Variants in CENPP observed in about 807,000 individuals in gnomAD.
The protein encoded by CENPP is centromere protein P.
In CENPP, 24 loss-of-function variants were observed where a neutral mutation model predicts 35.6. That is an observed-to-expected ratio of 0.67 (90% CI 0.49 to 0.95). CENPP has a LOEUF of 0.95. CENPP is among the 40% of genes least tolerant of loss of function. The pLI, the probability that CENPP is intolerant of heterozygous loss-of-function variation, is 0.00. For synonymous variants in CENPP, 120 were observed against 125.5 expected (o/e 0.96, Z 0.29); for missense variants, 332 against 345.3 (o/e 0.96, Z 0.31).
At chr9:92,423,400 A>G (rs757484806) in intron 5 of CENPP, among the ~76,000 whole-genome samples, 52 of 152,168 alleles carry the variant, frequency 3.4e-4, no homozygotes, top group Non-Finnish European at 5.3e-4. Context: ...CTAATGAGGT[A>G]TAATTTACTT....
At position 92,576,111 on chromosome 9, in the gene CENPP, T is replaced by C. The variant is rs73522391; in HGVS notation, c.565-35203T>C. ...ACATTGGAAGCAATCCAAGTGTTCA[T>C]CAAAGGATAAATAGATAAACAAATG... On this transcript the variant is annotated intron_variant, in intron 5 of 7. Coordinates refer to ENST00000375587, the MANE Select transcript of CENPP (RefSeq NM_001012267.3). Among the ~76,000 whole-genome samples, 606 of 152,286 alleles carry C rather than the reference T, an allele frequency of 4.0e-3. 8 individuals are homozygous for C. The highest frequency in any genetic ancestry group is 0.014 in the African/African-American group (566 of 41,546).
chr9:92,430,417 T>C (rs1844076407), intron 5 of CENPP, among the ~76,000 whole-genome samples: 1 of 151,850 alleles, frequency 6.6e-6, no homozygotes, highest in South Asian at 2.1e-4. Flanking sequence ...TTTATCCATC[T>C]CTTCTCTCTC....
At chr9:92,445,033 G>A (rs1461420102) in intron 5 of CENPP, among the ~76,000 whole-genome samples, 1 of 152,192 alleles carries the variant, frequency 6.6e-6, no homozygotes, top group Non-Finnish European at 1.5e-5. Flanking sequence ...AGCAAGTTGA[G>A]CCTAGGGGGA....
At position 92,332,292 on chromosome 9, in the gene CENPP, A is replaced by G. The variant is rs767753275; in HGVS notation, c.230A>G (p.Asn77Ser). ...LSFLSTLTGI[N>S]IRNHSKQTED... is the part of the protein sequence containing the mutation. ...TTTCTAAGTACGCTTACTGGCATCA[A>G]TATAAGAAATCACTCCAAGCAGACA... Residue 77 changes from asparagine to serine, a missense_variant, in exon 2 of 8, where the codon AAT becomes AGT. Asn to Ser is a conservative substitution (Grantham distance 46). Coordinates refer to ENST00000375587, the MANE Select transcript of CENPP (RefSeq NM_001012267.3). 17 of 1,611,632 alleles carry G rather than the reference A, an allele frequency of 1.1e-5. No homozygotes were observed. In the Admixed American group the frequency reaches 1.2e-4, roughly 11 times the overall value.
At chr9:92,402,655 G>C (rs796717521) in intron 5 of CENPP, among the ~76,000 whole-genome samples, 16 of 152,228 alleles carry the variant, frequency 1.1e-4, no homozygotes, top group African/African-American at 3.4e-4. Context: ...CAGTTACTTG[G>C]TACCAATTGA....
At chr9:92,609,421 C>A in intron 5 of CENPP, among the ~76,000 whole-genome samples, 1 of 152,346 alleles carries the variant, frequency 6.6e-6, no homozygotes. Context: ...GCAGTTCCAG[C>A]CTGCTCCCTT....
intron 5 of CENPP, among the ~76,000 whole-genome samples, chr9:92,463,660 G>A (rs1039039129): frequency 1.3e-5 from 2 of 152,086 alleles, no homozygotes; most frequent in Non-Finnish European, 2.9e-5. Context: ...TTTACTGGAT[G>A]TTATCTTCCA....
At chr9:92,545,001 G>A (rs1053195518) in intron 5 of CENPP, among the ~76,000 whole-genome samples, 8 of 152,120 alleles carry the variant, frequency 5.3e-5, no homozygotes, top group African/African-American at 1.4e-4. Context: ...TGGGATTACC[G>A]GTGTGAGCAA....
intron 5 of CENPP, chr9:92,389,656 G>A (rs1320868411): frequency 2.3e-6 from 1 of 443,772 alleles, no homozygotes; most frequent in Non-Finnish European, 4.0e-6. Flanking sequence ...TAAAGGTTAT[G>A]TATTTTAACT....
intron 5 of CENPP, among the ~76,000 whole-genome samples, chr9:92,514,111 T>A (rs971952846): frequency 4.8e-5 from 7 of 147,204 alleles, no homozygotes; most frequent in Non-Finnish European, 1.0e-4. Flanking sequence ...CACAGAGCAA[T>A]GAGAATCGTT....
intron 5 of CENPP, among the ~76,000 whole-genome samples, chr9:92,497,088 C>A (rs1284441143): frequency 6.6e-6 from 1 of 152,122 alleles, no homozygotes; most frequent in East Asian, 1.9e-4. Context: ...ACACTTTACC[C>A]TTTGCACTCT....
intron 5 of CENPP, among the ~76,000 whole-genome samples, chr9:92,420,225 A>G (rs2130967043): frequency 6.6e-6 from 1 of 152,202 alleles, no homozygotes; most frequent in East Asian, 1.9e-4. Flanking sequence ...ATAATTCTCC[A>G]ATTTCCGTGG....
chr9:92,495,655 A>T (rs1289316578), intron 5 of CENPP: 1 of 905,970 alleles, frequency 1.1e-6, no homozygotes, highest in African/African-American at 1.8e-5. Context: ...AAGAGTATAG[A>T]ATTTATGCAC....
intron 5 of CENPP, among the ~76,000 whole-genome samples, chr9:92,544,114 A>G (rs1849375581): frequency 6.6e-6 from 1 of 152,244 alleles, no homozygotes; most frequent in South Asian, 2.1e-4. Flanking sequence ...CTTATTCCTG[A>G]TCTTAGAAGA....
At position 92,381,751 on chromosome 9, in the gene CENPP, A is replaced by G. The variant is rs140748465; in HGVS notation, c.564+1892A>G. On this transcript the variant is annotated intron_variant, in intron 5 of 7. Transcript: ENST00000375587. ...TTTAAGTGTAATGATATACCTGGAA[A>G]TATAATTGCTGGATCATATGGTAAT... Among the ~76,000 whole-genome samples the G allele has an allele frequency of 4.7e-4, 71 of 152,330 alleles. No homozygotes were observed. The East Asian group carries it at 0.012, about 26-fold the overall frequency.
chr9:92,509,912 TTCA>T (rs748618191), intron 5 of CENPP: 1 of 1,604,032 alleles, frequency 6.2e-7, no homozygotes, highest in South Asian at 1.1e-5. Context: ...ATAAACTTTC[TTCA>T]TCGATAGCCT....
intron 5 of CENPP, among the ~76,000 whole-genome samples, chr9:92,443,900 C>G (rs1424390483): frequency 6.6e-6 from 1 of 152,068 alleles, no homozygotes; most frequent in African/African-American, 2.4e-5. Context: ...TGACCTCAGG[C>G]AGTCCACCCA....
intron 5 of CENPP, chr9:92,482,627 A>G (rs531438683): frequency 6.6e-6 from 1 of 152,216 alleles, no homozygotes; most frequent in Non-Finnish European, 1.5e-5. Context: ...AAAAAAAAAG[A>G]AAGTTTAATA....
At chr9:92,563,298 G>A (rs1849889829) in intron 5 of CENPP, among the ~76,000 whole-genome samples, 1 of 151,692 alleles carries the variant, frequency 6.6e-6, no homozygotes, top group Non-Finnish European at 1.5e-5. Flanking sequence ...CACTTACCCT[G>A]CTACACCAGG....
Sources: gnomAD v4.1 joint callset for allele counts (sites outside exome capture counted in the v4.1 genomes callset) on GRCh38, gnomAD v4.1.1 for gene constraint, MANE v1.5 for transcripts, NCBI Gene and HGNC (gene_info 2026-07-23, HGNC 2026-07-21) for gene names.